NRAP: variants seen among roughly 807,000 people sequenced by gnomAD.
NRAP encodes nebulin-related-anchoring protein.
NRAP carries 189 observed loss-of-function variants against 225.9 expected under a neutral mutation model. That is an observed-to-expected ratio of 0.84 (90% CI 0.74 to 0.94). The LOEUF (loss-of-function observed/expected upper bound fraction) is 0.94. Among genes scored for constraint, NRAP ranks in the 40% least tolerant of loss-of-function variants. The probability of loss-of-function intolerance (pLI) is 0.00; values close to 1 mark genes in which losing one functional copy is unlikely to be tolerated. For synonymous variants in NRAP, 769 were observed against 790.7 expected (o/e 0.97, Z 0.46); for missense variants, 2,176 against 2,168.7 (o/e 1.00, Z -0.07).
intron 24 of NRAP, 71 bp downstream of exon 24, chr10:113,621,798 G>C (rs374397236): frequency 7.0e-7 from 1 of 1,438,848 alleles, no homozygotes; most frequent in Non-Finnish European, 9.5e-7. Flanking sequence ...ATGGCTTAGG[G>C]AAACACTTGC....
In NRAP at chr10:113,598,085, A is replaced by G. The variant is rs201980664; in HGVS notation, c.4228-12T>C. 2.6e-4 allele frequency: 405 copies of G among 1,570,866 alleles called. 4 individuals carry two copies. The African/African-American group carries it at 5.0e-3, about 20-fold the overall frequency. ...GACTTGTAGCGCAACTGCAGGGAAA[A>G]AAATCATGGGCTTTATCAGGAGAGT... On this transcript the variant is annotated splice_polypyrimidine_tract_variant and intron_variant, in intron 35 of 41. Coordinates refer to ENST00000359988, the MANE Select transcript of NRAP (RefSeq NM_198060.4).
chr10:113,590,492 C>A, intron 40 of NRAP, 86 bp downstream of exon 40: 1 of 1,351,866 alleles, frequency 7.4e-7, no homozygotes, highest in Non-Finnish European at 1.0e-6. Flanking sequence ...CCCCCAGAAG[C>A]TAACAATGGA....
intron 11 of NRAP, among the ~76,000 whole-genome samples, chr10:113,644,959 C>T (rs1040334261): frequency 1.3e-5 from 2 of 152,176 alleles, no homozygotes; most frequent in Non-Finnish European, 2.9e-5. Flanking sequence ...CACACTAGGG[C>T]ATGAGAAGGA....
intron 8 of NRAP, 40 bp downstream of exon 8, chr10:113,650,398 T>G: frequency 6.9e-7 from 1 of 1,446,694 alleles, no homozygotes; most frequent in Non-Finnish European, 9.7e-7. Context: ...TTCACATTCC[T>G]CTTTCTCCCT....
At position 113,626,045 on chromosome 10, in the gene NRAP, A is replaced by G. The variant is rs1273112309; in HGVS notation, c.2244+2T>C. ...GTGGAGAAAGGGCAGCCCAGGACTCACCCCGCTCTGTAGCTCCTGGCTCTT... is the reference window on the plus strand; with the variant it reads ...GTGGAGAAAGGGCAGCCCAGGACTCGCCCCGCTCTGTAGCTCCTGGCTCTT... On this transcript the variant is annotated splice_donor_variant, in intron 21 of 41. Transcript: ENST00000359988. LOFTEE classifies it high-confidence loss of function. 7 of 1,606,798 alleles carry G rather than the reference A, an allele frequency of 4.4e-6. No individual in the cohort carries two copies. Among genetic ancestry groups the G allele is most frequent in the Non-Finnish European group, 5.9e-6 (7 of 1,176,686 alleles).
intron 20 of NRAP, among the ~76,000 whole-genome samples, chr10:113,628,533 C>T (rs1848407493): frequency 6.6e-6 from 1 of 152,150 alleles, no homozygotes; most frequent in East Asian, 1.9e-4. Flanking sequence ...CTGAAATCTG[C>T]AGTGAATTTA....
rs150140934 is a variant in NRAP at position 113,626,046 on chromosome 10, C to G, written c.2244+1G>C. The stretch of plus-strand genomic sequence containing the variant: ...TGGAGAAAGGGCAGCCCAGGACTCA[C>G]CCCGCTCTGTAGCTCCTGGCTCTTC... On this transcript the variant is annotated splice_donor_variant, in intron 21 of 41. Coordinates refer to ENST00000359988, the MANE Select transcript of NRAP (RefSeq NM_198060.4). LOFTEE classifies it high-confidence loss of function. 87 of 1,607,230 alleles carry G rather than the reference C, an allele frequency of 5.4e-5. No homozygotes were observed. The African/African-American group carries it at 1.0e-3, about 19-fold the overall frequency.
intron 4 of NRAP, among the ~76,000 whole-genome samples, chr10:113,656,044 TCTCATTATACCCGC>T (rs58996239): frequency 0.32 from 49,311 of 151,916 alleles, 8,643 homozygotes; most frequent in African/African-American, 0.47. Context: ...GTCGAACATG[TCTCATTATACCCGC>T]CTCCCTTTCG....
chr10:113,660,178 A>G (rs929083402), intron 3 of NRAP, among the ~76,000 whole-genome samples: 1 of 152,108 alleles, frequency 6.6e-6, no homozygotes, highest in African/African-American at 2.4e-5. Flanking sequence ...CCACATATGC[A>G]TATACATATC....
At chr10:113,646,475 G>A (rs1246103123) in intron 10 of NRAP, among the ~76,000 whole-genome samples, 2 of 152,360 alleles carry the variant, frequency 1.3e-5, no homozygotes, top group Middle Eastern at 3.4e-3. Context: ...GATCTGCAGT[G>A]AGCATGTCAC....
At chr10:113,611,445 C>A (rs972145627) in intron 30 of NRAP, among the ~76,000 whole-genome samples, 1 of 152,164 alleles carries the variant, frequency 6.6e-6, no homozygotes, top group Non-Finnish European at 1.5e-5. Flanking sequence ...ACCTAGCAAG[C>A]TGGGAAATAA....
chr10:113,633,063 C>G, intron 16 of NRAP, 21 bp downstream of exon 16: 1 of 1,234,760 alleles, frequency 8.1e-7, no homozygotes. Flanking sequence ...CCTCCACCGT[C>G]TCCCCACATT....
chr10:113,595,119 C>T (rs539846292), intron 38 of NRAP, among the ~76,000 whole-genome samples: 1 of 152,308 alleles, frequency 6.6e-6, no homozygotes, highest in South Asian at 2.1e-4. Context: ...CCAAGGGAAA[C>T]GAAAGTGTTG....
At chr10:113,622,782 T>C (rs1343705024) in intron 23 of NRAP, among the ~76,000 whole-genome samples, 2 of 152,192 alleles carry the variant, frequency 1.3e-5, no homozygotes, top group South Asian at 2.1e-4. Flanking sequence ...AGGACAAGCC[T>C]GTGTAACTCA....
Position 113,629,575 on chromosome 10 carries a change from T to C in NRAP, c.2040+13A>G, listed in dbSNP as rs1484350056. 5.7e-6 allele frequency: 9 copies of C among 1,572,134 alleles called. No individual in the cohort carries two copies. The highest frequency in any genetic ancestry group is 7.0e-6 in the Non-Finnish European group (8 of 1,142,186). ...AGAGATGCATGAAGAGAACTGATAA[T>C]GTGTGGGCTCACCTCGCTCTGGAGC... On this transcript the variant is annotated intron_variant, in intron 19 of 41. Transcript: ENST00000359988.
At chr10:113,652,796 C>T (rs1262516301) in intron 6 of NRAP, 139 bp downstream of exon 6, 1 of 643,182 alleles carries the variant, frequency 1.6e-6, no homozygotes, top group Non-Finnish European at 2.8e-6. Flanking sequence ...AAAGTAAGAA[C>T]ACAGTTTTCT....
Position 113,632,114 on chromosome 10 carries a change from A to G in NRAP, c.1633-150T>C. The G allele has an allele frequency of 9.5e-6, 6 of 632,384 alleles. No homozygotes were observed. In the Admixed American group the frequency reaches 1.6e-4, roughly 17 times the overall value. The allele number at this position is 632,384 out of a possible 1,614,324, so 39.2% of individuals were successfully genotyped here. ...CAAAATGATAACAGTAATTATTAAC[A>G]CAGTTAATTGATTCCTTCGCTGTAG... On this transcript the variant is annotated intron_variant, in intron 16 of 41. Coordinates refer to ENST00000359988, the MANE Select transcript of NRAP (RefSeq NM_198060.4).
Position 113,604,687 on chromosome 10 carries a change from T to A in NRAP, c.4149A>T (p.Thr1383=). ...GCAGTGCTGTGAACTTGTGATACTGTGTCCTGTAGTCGTGGTCGCTGGCCA... is the reference window on the plus strand; with the variant it reads ...GCAGTGCTGTGAACTTGTGATACTGAGTCCTGTAGTCGTGGTCGCTGGCCA... ...QALASDHDYR[T]QYHKFTALPE... is the part of the protein sequence containing the mutation. Residue 1383 remains threonine, a synonymous_variant, in exon 35 of 42, where the codon ACA becomes ACT. Transcript: ENST00000359988. 6.2e-7 allele frequency: 1 copy of A among 1,614,212 alleles called. No individual in the cohort carries two copies. Among genetic ancestry groups the A allele is most frequent in the Non-Finnish European group, 8.5e-7 (1 of 1,180,028 alleles).
chr10:113,631,813 G>A (rs748637148), intron 17 of NRAP, 44 bp downstream of exon 17: 1 of 1,243,902 alleles, frequency 8.0e-7, no homozygotes, highest in Non-Finnish European at 1.2e-6. Context: ...CATTTTATTG[G>A]AACCATTTCT....
Sources: allele counts gnomAD v4.1 joint callset (sites outside exome capture counted in the v4.1 genomes callset), GRCh38; gene constraint gnomAD v4.1.1; transcripts MANE v1.5; gene names NCBI Gene and HGNC (gene_info 2026-07-23, HGNC 2026-07-21).